Variants in APBA2 observed in about 807,000 individuals in gnomAD.
APBA2 encodes the protein amyloid beta precursor protein binding family A member 2, also known as amyloid-beta A4 precursor protein-binding family A member 2.
APBA2 carries 30 observed loss-of-function variants against 75.0 expected under a neutral mutation model. The observed-to-expected ratio is 0.40, with a 90% CI of 0.30 to 0.54. The LOEUF is 0.54. Among genes scored for constraint, APBA2 ranks in the 20% least tolerant of loss-of-function variants. The probability of loss-of-function intolerance (pLI) is 0.49; values close to 1 mark genes in which losing one functional copy is unlikely to be tolerated. For missense variants in APBA2, 801 were observed against 1,016.1 expected (o/e 0.79, Z 2.88); for synonymous variants, 444 against 409.6 (o/e 1.08, Z -1.01).
At chr15:28,935,597 C>A (rs2152694681) in intron 2 of APBA2, among the ~76,000 whole-genome samples, 1 of 152,300 alleles carries the variant, frequency 6.6e-6, no homozygotes, top group Middle Eastern at 3.4e-3. Context: ...CCCAGCCTAG[C>A]AGGGCAGGGT....
chr15:29,034,190 C>G (rs768115511), intron 3 of APBA2, among the ~76,000 whole-genome samples: 20 of 152,050 alleles, frequency 1.3e-4, no homozygotes, highest in Non-Finnish European at 2.4e-4. Flanking sequence ...TGAATTGAAT[C>G]AGTGAATTGA....
chr15:28,955,476 C>T (rs1595559314), intron 2 of APBA2, among the ~76,000 whole-genome samples: 2 of 152,270 alleles, frequency 1.3e-5, no homozygotes, highest in East Asian at 3.9e-4. Context: ...CTTGTGTAAT[C>T]AATTTTAATG....
chr15:28,969,243 C>G (rs1377823280), intron 2 of APBA2, among the ~76,000 whole-genome samples: 1 of 151,284 alleles, frequency 6.6e-6, no homozygotes, highest in Non-Finnish European at 1.5e-5. Flanking sequence ...TCCAGTGGCA[C>G]AATCTCGGCT....
chr15:29,010,476 T>C (rs952158893), intron 3 of APBA2, among the ~76,000 whole-genome samples: 4 of 152,158 alleles, frequency 2.6e-5, no homozygotes, highest in South Asian at 2.1e-4. Flanking sequence ...GCCAGGATAG[T>C]CTCGATCTCC....
intron 11 of APBA2, 109 bp from the exon 12 acceptor site, chr15:29,106,498 G>A (rs1213401240): frequency 1.6e-6 from 2 of 1,259,964 alleles, no homozygotes; most frequent in Admixed American, 2.0e-5. Context: ...TGGATCCCAG[G>A]GCAGGGCGGG....
At chr15:28,996,236 C>T (rs1289514779) in intron 3 of APBA2, among the ~76,000 whole-genome samples, 2 of 152,304 alleles carry the variant, frequency 1.3e-5, no homozygotes, top group Non-Finnish European at 2.9e-5. Context: ...GCACTCGAAC[C>T]TTTCACTCTC....
chr15:28,957,039 T>C (rs1388699210), intron 2 of APBA2, among the ~76,000 whole-genome samples: 1 of 152,150 alleles, frequency 6.6e-6, no homozygotes, highest in Non-Finnish European at 1.5e-5. Context: ...AACATGGGGG[T>C]ACAATCTCTT....
chr15:28,887,532 C>G (rs2031828020), intron 1 of APBA2, among the ~76,000 whole-genome samples: 1 of 152,112 alleles, frequency 6.6e-6, no homozygotes, highest in Admixed American at 6.5e-5. Flanking sequence ...CGCCACTACG[C>G]AGGGGACAGG....
intron 4 of APBA2, among the ~76,000 whole-genome samples, chr15:29,065,027 G>GCA (rs2042318515): frequency 6.6e-6 from 1 of 151,478 alleles, no homozygotes; most frequent in South Asian, 2.1e-4. Context: ...GTGTGTGTGT[G>GCA]CACGCACGCT....
chr15:29,069,112 A>G (rs2042507076), intron 4 of APBA2, among the ~76,000 whole-genome samples: 1 of 152,232 alleles, frequency 6.6e-6, no homozygotes, highest in South Asian at 2.1e-4. Flanking sequence ...GGATCAGACA[A>G]TATGTGCCCT....
intron 13 of APBA2, chr15:29,108,742 C>G: frequency 2.3e-6 from 1 of 432,714 alleles, no homozygotes; most frequent in Non-Finnish European, 4.3e-6. Context: ...GCTCAACAAA[C>G]AGACGTTCAC....
chr15:28,957,818 A>G (rs943823064), intron 2 of APBA2, among the ~76,000 whole-genome samples: 5 of 152,116 alleles, frequency 3.3e-5, no homozygotes, highest in African/African-American at 9.7e-5. Context: ...GGCCTCCCCC[A>G]TGCTACTTTG....
At chr15:28,897,602 A>G (rs1228462132) in intron 1 of APBA2, among the ~76,000 whole-genome samples, 4 of 128,378 alleles carry the variant, frequency 3.1e-5, no homozygotes, top group Non-Finnish European at 6.2e-5. Flanking sequence ...TGGGCAACAG[A>G]GCGAGATTCC....
At chr15:29,095,964 C>G (rs1398087110) in intron 8 of APBA2, among the ~76,000 whole-genome samples, 1 of 152,242 alleles carries the variant, frequency 6.6e-6, no homozygotes, top group East Asian at 1.9e-4. Context: ...GCTTCTGGGA[C>G]CTGCAGGTCC....
intron 2 of APBA2, among the ~76,000 whole-genome samples, chr15:28,943,480 C>G (rs2035354076): frequency 6.6e-6 from 1 of 152,226 alleles, no homozygotes; most frequent in Non-Finnish European, 1.5e-5. Context: ...AATGCTACCA[C>G]AAGCCCTTTC....
Position 28,989,871 on chromosome 15 carries a change from G to A in APBA2, c.-94-5882G>A, listed in dbSNP as rs774391648. 1.4e-4 allele frequency among the ~76,000 whole-genome samples: 22 copies of A among 152,268 alleles called. 1 individual carries two copies. Among genetic ancestry groups the A allele is most frequent in the Admixed American group, 5.9e-4 (9 of 15,296 alleles). The stretch of plus-strand genomic sequence containing the variant: ...TGGGCATCAGGGTCCATCCTGGGAC[G>A]TGGGCTGTCTTGGCACCAAGTTCCA... On this transcript the variant is annotated intron_variant, in intron 2 of 14. Coordinates refer to ENST00000683413, the MANE Select transcript of APBA2 (RefSeq NM_001353788.2).
chr15:29,084,175 T>A (rs2043193758), intron 6 of APBA2, among the ~76,000 whole-genome samples: 1 of 152,210 alleles, frequency 6.6e-6, no homozygotes, highest in African/African-American at 2.4e-5. Flanking sequence ...TAAAAATAGA[T>A]TTTTAGTTGT....
At chr15:28,937,552 C>G (rs2034947881) in intron 2 of APBA2, among the ~76,000 whole-genome samples, 1 of 152,212 alleles carries the variant, frequency 6.6e-6, no homozygotes, top group Non-Finnish European at 1.5e-5. Context: ...GCTGCTTACT[C>G]TGCCCCACTG....
chr15:28,928,483 G>A (rs2034395772), intron 2 of APBA2, among the ~76,000 whole-genome samples: 1 of 152,092 alleles, frequency 6.6e-6, no homozygotes, highest in Non-Finnish European at 1.5e-5. Context: ...TGTGGGGAGG[G>A]CCAGCGGTCT....
Sources: gnomAD v4.1 joint callset for allele counts (sites outside exome capture counted in the v4.1 genomes callset) on GRCh38, gnomAD v4.1.1 for gene constraint, MANE v1.5 for transcripts, NCBI Gene and HGNC (gene_info 2026-07-23, HGNC 2026-07-21) for gene names.